Variants in NCKAP1 observed in about 807,000 individuals in gnomAD.
NCKAP1 encodes NCK associated protein 1.
Under a neutral mutation model 151.2 loss-of-function variants are expected in NCKAP1, and 21 were observed. The observed-to-expected ratio is 0.14, with a 90% CI of 0.10 to 0.20. The LOEUF (loss-of-function observed/expected upper bound fraction) is 0.20, where lower values mean the gene tolerates loss of function less well. Ranked by LOEUF, NCKAP1 falls within the 10% of genes least tolerant of loss-of-function variation. NCKAP1 has a pLI of 1.00. For missense variants in NCKAP1, 933 were observed against 1,352.1 expected, an observed-to-expected ratio of 0.69 and a Z score of 4.86; for synonymous variants, 484 against 451.8, an observed-to-expected ratio of 1.07 and a Z score of -0.90.
chr2:182,972,067 A>T (rs1347441713), intron 15 of NCKAP1, among the ~76,000 whole-genome samples: 5 of 152,086 alleles, frequency 3.3e-5, no homozygotes, highest in Non-Finnish European at 4.4e-5. Flanking sequence ...ATGGATAAAT[A>T]GGATCACATT....
chr2:183,035,357 A>G (rs555672687), intron 1 of NCKAP1, among the ~76,000 whole-genome samples: 2 of 152,226 alleles, frequency 1.3e-5, no homozygotes, highest in East Asian at 3.9e-4. Flanking sequence ...ACTGACAATA[A>G]TAAGTTATTT....
chr2:182,941,628 G>C (rs1209358647), intron 24 of NCKAP1, among the ~76,000 whole-genome samples: 2 of 152,154 alleles, frequency 1.3e-5, no homozygotes, highest in Admixed American at 1.3e-4. Context: ...CTAGACTGTG[G>C]CAATGGTTAT....
chr2:182,939,661 T>TG (rs1302404011), intron 24 of NCKAP1, among the ~76,000 whole-genome samples: 6 of 152,112 alleles, frequency 3.9e-5, no homozygotes, highest in Admixed American at 1.3e-4. Context: ...TTGTTGACTG[T>TG]GAAAAACTCC....
At chr2:182,964,298 T>C (rs933999203) in intron 17 of NCKAP1, among the ~76,000 whole-genome samples, 1 of 152,106 alleles carries the variant, frequency 6.6e-6, no homozygotes, top group African/African-American at 2.4e-5. Context: ...GAATCTCTCT[T>C]TGACTTGTTT....
Position 182,917,415 on chromosome 2 carries a change from A to G in NCKAP1, c.*8287T>C, listed in dbSNP as rs926421881. 2.0e-5 allele frequency: 3 copies of G among 152,234 alleles called. No individual in the cohort carries two copies. Among genetic ancestry groups the G allele is most frequent in the African/African-American group, 7.2e-5 (3 of 41,466 alleles). 9.4% of individuals were successfully genotyped at this position (152,234 alleles called of 1,614,324 possible). Reference sequence around the variant, plus strand: ...AGGAACACTATATGAGCACATCGCCACATATGTTAATTTGGTTAAATTACC... The same window carrying G: ...AGGAACACTATATGAGCACATCGCCGCATATGTTAATTTGGTTAAATTACC... On this transcript the variant is annotated 3_prime_UTR_variant, in exon 31 of 31. Coordinates refer to ENST00000361354, the MANE Select transcript of NCKAP1 (RefSeq NM_013436.5).
intron 23 of NCKAP1, among the ~76,000 whole-genome samples, chr2:182,951,866 C>T (rs947727154): frequency 2.1e-4 from 32 of 151,914 alleles, no homozygotes; most frequent in Admixed American, 3.3e-4. Context: ...TTCTAAAAGG[C>T]TAATAAAAAG....
intron 1 of NCKAP1, among the ~76,000 whole-genome samples, chr2:183,035,968 G>A (rs1575077747): frequency 6.6e-6 from 1 of 152,090 alleles, no homozygotes; most frequent in South Asian, 2.1e-4. Context: ...GGTAAGCAAT[G>A]TATTTCTTAA....
rs751115711 is a variant in NCKAP1, at chr2:183,002,120, A to C, written c.512+7T>G. On this transcript the variant is annotated splice_region_variant and intron_variant, in intron 5 of 30. Coordinates refer to ENST00000361354, the MANE Select transcript of NCKAP1 (RefSeq NM_013436.5). ...ATTTTAGAAAGACTTTTATAATGCA[A>C]ATCTACCTTGCTCCATGAGTCATTT... The C allele has an allele frequency of 6.2e-7, 1 of 1,612,634 alleles. No individual in the cohort carries two copies. Among genetic ancestry groups the C allele is most frequent in the South Asian group, 1.1e-5 (1 of 90,808 alleles).
intron 29 of NCKAP1, among the ~76,000 whole-genome samples, chr2:182,927,810 A>G (rs1355350009): frequency 1.3e-5 from 2 of 152,008 alleles, no homozygotes; most frequent in Non-Finnish European, 2.9e-5. Flanking sequence ...AGCTTGGGGA[A>G]AAAAGGTCAT....
At chr2:182,989,976 C>A (rs1046751644) in intron 8 of NCKAP1, among the ~76,000 whole-genome samples, 14 of 150,848 alleles carry the variant, frequency 9.3e-5, no homozygotes, top group South Asian at 8.3e-4. Flanking sequence ...GGTGACAGAG[C>A]AAGACTCTGT....
At chr2:182,939,891 A>T (rs1394981782) in intron 24 of NCKAP1, among the ~76,000 whole-genome samples, 1 of 152,240 alleles carries the variant, frequency 6.6e-6, no homozygotes, top group Non-Finnish European at 1.5e-5. Flanking sequence ...ATGGGTCATT[A>T]ACATTCAACA....
chr2:182,996,606 C>T (rs952404865), intron 6 of NCKAP1, among the ~76,000 whole-genome samples: 3 of 152,146 alleles, frequency 2.0e-5, no homozygotes, highest in Non-Finnish European at 4.4e-5. Flanking sequence ...TACAGGCGCC[C>T]GCCACCACGC....
At chr2:183,018,180 G>C (rs1698730927) in intron 2 of NCKAP1, among the ~76,000 whole-genome samples, 1 of 152,150 alleles carries the variant, frequency 6.6e-6, no homozygotes, top group South Asian at 2.1e-4. Context: ...TCGGGAGGCA[G>C]AGGTTGCAGT....
At chr2:183,027,800 C>A (rs1261168989) in intron 1 of NCKAP1, among the ~76,000 whole-genome samples, 1 of 152,100 alleles carries the variant, frequency 6.6e-6, no homozygotes, top group Non-Finnish European at 1.5e-5. Flanking sequence ...ATTCCCCACC[C>A]AAACTCAAAA....
intron 1 of NCKAP1, among the ~76,000 whole-genome samples, chr2:183,031,449 T>A (rs1440641264): frequency 6.6e-6 from 1 of 152,218 alleles, no homozygotes; most frequent in Admixed American, 6.5e-5. Context: ...GTGGAACACA[T>A]ACTTCTGAAA....
intron 15 of NCKAP1, 67 bp downstream of exon 15, chr2:182,976,826 G>A (rs1025082978): frequency 7.3e-6 from 7 of 963,634 alleles, no homozygotes; most frequent in Non-Finnish European, 1.0e-5. Flanking sequence ...ATATTTTATA[G>A]TTGTTATAAA....
intron 23 of NCKAP1, among the ~76,000 whole-genome samples, chr2:182,945,823 A>T (rs1332547640): frequency 6.6e-6 from 1 of 152,224 alleles, no homozygotes; most frequent in East Asian, 1.9e-4. Context: ...AAAGGAATAT[A>T]AATCATTCTA....
At position 182,920,349 on chromosome 2, in the gene NCKAP1, T is replaced by A. The variant is rs1287553658; in HGVS notation, c.*5353A>T. 6.6e-6 allele frequency: 1 copy of A among 152,150 alleles called. No individual in the cohort carries two copies. The highest frequency in any genetic ancestry group is 1.5e-5 in the Non-Finnish European group (1 of 68,044). The allele number at this position is 152,150 out of a possible 1,614,324, so 9.4% of individuals were successfully genotyped here. ...GGGAAGATGCTAAAACTGGTGTTCA[T>A]GCAATTAAAGATGACATGAACATAG... On this transcript the variant is annotated 3_prime_UTR_variant, in exon 31 of 31. Transcript: ENST00000361354.
At chr2:182,997,197 A>G (rs986301955) in intron 6 of NCKAP1, among the ~76,000 whole-genome samples, 40 of 152,140 alleles carry the variant, frequency 2.6e-4, no homozygotes, top group Non-Finnish European at 5.4e-4. Context: ...CCTTTCAAAA[A>G]ACTAACTTTT....
Sources: allele counts gnomAD v4.1 joint callset (sites outside exome capture counted in the v4.1 genomes callset), GRCh38; gene constraint gnomAD v4.1.1; transcripts MANE v1.5; gene names NCBI Gene and HGNC (gene_info 2026-07-23, HGNC 2026-07-21).